Variants in LDLRAD3 observed in about 807,000 individuals in gnomAD.
LDLRAD3 encodes low density lipoprotein receptor class A domain containing 3.
In LDLRAD3, 20 loss-of-function variants were observed where a neutral mutation model predicts 29.4. The ratio of observed to expected loss-of-function variants is 0.68; its 90% CI spans 0.48 to 0.99. The LOEUF (loss-of-function observed/expected upper bound fraction) is 0.99, where lower values mean the gene tolerates loss of function less well. LDLRAD3 is among the 50% of genes least tolerant of loss of function. The probability of loss-of-function intolerance (pLI) is 0.00; values close to 1 mark genes in which losing one functional copy is unlikely to be tolerated. For missense variants in LDLRAD3, 420 were observed against 454.3 expected, an observed-to-expected ratio of 0.92 and a Z score of 0.69; for synonymous variants, 157 against 192.7, an observed-to-expected ratio of 0.81 and a Z score of 1.53.
At chr11:36,094,819 G>C (rs1853335159) in intron 3 of LDLRAD3, among the ~76,000 whole-genome samples, 1 of 152,208 alleles carries the variant, frequency 6.6e-6, no homozygotes, top group African/African-American at 2.4e-5. Context: ...TTACAGGTGT[G>C]AGTCACCATG....
chr11:36,048,167 C>T (rs904554), intron 2 of LDLRAD3, among the ~76,000 whole-genome samples: 143,669 of 152,272 alleles, frequency 0.94, 67,965 homozygotes, highest in Middle Eastern at 0.99. Context: ...TCCATAGATT[C>T]TCCTTTCTAA....
intron 4 of LDLRAD3, among the ~76,000 whole-genome samples, chr11:36,193,339 C>T (rs1297603541): frequency 1.3e-5 from 2 of 152,154 alleles, no homozygotes; most frequent in Non-Finnish European, 2.9e-5. Context: ...GTCTGGCCAC[C>T]AAAATAGCTT....
intron 1 of LDLRAD3, among the ~76,000 whole-genome samples, chr11:35,986,190 C>G (rs1851612955): frequency 6.6e-6 from 1 of 152,136 alleles, no homozygotes; most frequent in Non-Finnish European, 1.5e-5. Flanking sequence ...GGGATTGCAA[C>G]TGGACAGTGG....
chr11:36,175,950 A>C (rs1010376339), intron 4 of LDLRAD3, among the ~76,000 whole-genome samples: 2 of 152,120 alleles, frequency 1.3e-5, no homozygotes, highest in African/African-American at 2.4e-5. Flanking sequence ...CTCATTTCTT[A>C]GGTCTAGAGG....
At chr11:36,168,594 T>A (rs933175658) in intron 4 of LDLRAD3, among the ~76,000 whole-genome samples, 22 of 151,746 alleles carry the variant, frequency 1.4e-4, no homozygotes, top group African/African-American at 4.8e-4. Context: ...AGGAAATGTT[T>A]AAGTAAATCC....
intron 5 of LDLRAD3, among the ~76,000 whole-genome samples, chr11:36,228,114 C>G (rs1401104818): frequency 6.6e-6 from 1 of 152,182 alleles, no homozygotes; most frequent in African/African-American, 2.4e-5. Context: ...GTTTCCTGAT[C>G]AGCATCCCTC....
intron 4 of LDLRAD3, among the ~76,000 whole-genome samples, chr11:36,190,668 G>A (rs1270421837): frequency 6.6e-6 from 1 of 152,030 alleles, no homozygotes; most frequent in Non-Finnish European, 1.5e-5. Flanking sequence ...ATGAGAAATT[G>A]AAGAAAATGC....
At chr11:36,179,041 C>G (rs556230095) in intron 4 of LDLRAD3, among the ~76,000 whole-genome samples, 1 of 152,332 alleles carries the variant, frequency 6.6e-6, no homozygotes, top group East Asian at 1.9e-4. Context: ...CAGGACCTGT[C>G]TCTGTAATTT....
chr11:36,226,338 G>A (rs936486005), intron 4 of LDLRAD3, among the ~76,000 whole-genome samples: 1 of 152,068 alleles, frequency 6.6e-6, no homozygotes, highest in African/African-American at 2.4e-5. Context: ...GGCTGTGCTG[G>A]CTCTCCATCC....
chr11:36,009,040 AT>A (rs898008140), intron 1 of LDLRAD3, among the ~76,000 whole-genome samples: 3 of 151,546 alleles, frequency 2.0e-5, no homozygotes, highest in African/African-American at 7.3e-5. Context: ...CCTCCTTTGT[AT>A]TTTTTTCTCT....
chr11:36,150,255 C>T (rs1854258430), intron 4 of LDLRAD3, among the ~76,000 whole-genome samples: 1 of 152,140 alleles, frequency 6.6e-6, no homozygotes, highest in African/African-American at 2.4e-5. Context: ...AAGGCAGGCA[C>T]AGTGGCTCAC....
At chr11:36,145,167 C>T (rs1375993991) in intron 4 of LDLRAD3, among the ~76,000 whole-genome samples, 1 of 125,284 alleles carries the variant, frequency 8.0e-6, no homozygotes, top group Non-Finnish European at 1.7e-5. Context: ...GGGGGGTCAG[C>T]CCCCCGCCCG....
In LDLRAD3 at chr11:36,168,393, G is replaced by A. The variant is rs1047061252; in HGVS notation, c.455-58692G>A. On this transcript the variant is annotated intron_variant, in intron 4 of 5. Coordinates refer to ENST00000315571, the MANE Select transcript of LDLRAD3 (RefSeq NM_174902.4). The stretch of plus-strand genomic sequence containing the variant: ...ACGGGGTGAGGGTTAGACCAACAAC[G>A]TGAACTGTCAAGAACCAGAGAAATA... Among the ~76,000 whole-genome samples, 5 of 151,804 alleles carry A rather than the reference G, an allele frequency of 3.3e-5. No individual in the cohort carries two copies. The East Asian group carries it at 5.8e-4, about 18-fold the overall frequency.
intron 1 of LDLRAD3, among the ~76,000 whole-genome samples, chr11:36,013,719 G>A (rs1188502344): frequency 4.6e-5 from 7 of 152,130 alleles, no homozygotes; most frequent in Admixed American, 4.6e-4. Context: ...TTCTTTGGAT[G>A]GTGTTTTACA....
At chr11:35,969,649 C>T (rs999197867) in intron 1 of LDLRAD3, among the ~76,000 whole-genome samples, 1 of 152,204 alleles carries the variant, frequency 6.6e-6, no homozygotes, top group African/African-American at 2.4e-5. Context: ...CTTTAGGTGT[C>T]CATAGGCCCC....
chr11:36,134,789 AGTCT>A (rs1435929623), intron 4 of LDLRAD3, among the ~76,000 whole-genome samples: 1 of 152,160 alleles, frequency 6.6e-6, no homozygotes, highest in Non-Finnish European at 1.5e-5. Context: ...CTTGCTGGGA[AGTCT>A]GTCTTTTGAT....
At chr11:36,226,217 C>G (rs1331504920) in intron 4 of LDLRAD3, among the ~76,000 whole-genome samples, 2 of 152,178 alleles carry the variant, frequency 1.3e-5, no homozygotes, top group South Asian at 2.1e-4. Context: ...GAACTGGGCA[C>G]TATTACATCT....
At chr11:35,984,048 T>C (rs868031791) in intron 1 of LDLRAD3, among the ~76,000 whole-genome samples, 1 of 152,218 alleles carries the variant, frequency 6.6e-6, no homozygotes, top group African/African-American at 2.4e-5. Context: ...TCTGATGTCT[T>C]CTTGGTGCTC....
At chr11:36,190,650 G>A (rs959477095) in intron 4 of LDLRAD3, among the ~76,000 whole-genome samples, 3 of 151,702 alleles carry the variant, frequency 2.0e-5, no homozygotes, top group East Asian at 1.9e-4. Flanking sequence ...AGAGAAGAGA[G>A]AAAAAAAATG....
Sources: gnomAD v4.1 joint callset for allele counts (sites outside exome capture counted in the v4.1 genomes callset) on GRCh38, gnomAD v4.1.1 for gene constraint, MANE v1.5 for transcripts, NCBI Gene and HGNC (gene_info 2026-07-23, HGNC 2026-07-21) for gene names.